SMYD3: variants seen among roughly 807,000 people sequenced by gnomAD.
The protein encoded by SMYD3 is histone-lysine N-methyltransferase SMYD3.
Under a neutral mutation model 57.7 loss-of-function variants are expected in SMYD3, and 36 were observed. That is an observed-to-expected ratio of 0.62 (90% CI 0.48 to 0.82). The LOEUF is 0.82. Ranked by LOEUF, SMYD3 falls within the 40% of genes least tolerant of loss-of-function variation. The probability of loss-of-function intolerance (pLI) is 0.00; values close to 1 mark genes in which losing one functional copy is unlikely to be tolerated. For synonymous variants in SMYD3, 211 were observed against 195.0 expected (o/e 1.08, Z -0.68); for missense variants, 515 against 538.8 (o/e 0.96, Z 0.44).
intron 10 of SMYD3, among the ~76,000 whole-genome samples, chr1:245,791,564 C>T (rs1408940473): frequency 7.1e-6 from 1 of 141,198 alleles, no homozygotes; most frequent in Non-Finnish European, 1.5e-5. Flanking sequence ...CTGTAAGTAA[C>T]AAGTTTATCT....
chr1:246,226,799 C>G (rs906837983), intron 5 of SMYD3, among the ~76,000 whole-genome samples: 14 of 152,122 alleles, frequency 9.2e-5, no homozygotes, highest in African/African-American at 3.4e-4. Flanking sequence ...TGCAAGTACT[C>G]CAAGAAGGCA....
chr1:245,798,729 T>C (rs1209448643), intron 10 of SMYD3, among the ~76,000 whole-genome samples: 2 of 152,112 alleles, frequency 1.3e-5, no homozygotes, highest in Non-Finnish European at 2.9e-5. Context: ...GCTCCCTTAT[T>C]AGATGACCAC....
intron 5 of SMYD3, among the ~76,000 whole-genome samples, chr1:245,982,949 G>A (rs1471433529): frequency 6.6e-6 from 1 of 152,210 alleles, no homozygotes; most frequent in Non-Finnish European, 1.5e-5. Flanking sequence ...ACTGCTGTCA[G>A]AAACCAAACA....
At chr1:245,993,531 T>C (rs2148120728) in intron 5 of SMYD3, among the ~76,000 whole-genome samples, 1 of 151,092 alleles carries the variant, frequency 6.6e-6, no homozygotes, top group East Asian at 2.0e-4. Flanking sequence ...GCCCACGAGT[T>C]CAAGACCAGG....
chr1:245,945,056 A>G (rs1413704685), intron 5 of SMYD3, among the ~76,000 whole-genome samples: 7 of 152,202 alleles, frequency 4.6e-5, no homozygotes, highest in African/African-American at 1.7e-4. Context: ...TCTCGGCAAT[A>G]CCATTCAGGA....
At chr1:246,502,104 T>C (rs1400222049) in intron 1 of SMYD3, among the ~76,000 whole-genome samples, 2 of 151,996 alleles carry the variant, frequency 1.3e-5, no homozygotes, top group Admixed American at 6.6e-5. Context: ...CCTGGTCACA[T>C]TTACTCACAC....
intron 1 of SMYD3, among the ~76,000 whole-genome samples, chr1:246,378,736 A>ATATAATATAATATAT (rs1252825772): frequency 1.1e-5 from 1 of 93,706 alleles, no homozygotes; most frequent in Non-Finnish European, 2.0e-5. Context: ...TATATATTAT[A>ATATAATATAATATAT]TATAATTATA....
intron 5 of SMYD3, among the ~76,000 whole-genome samples, chr1:246,133,467 T>C (rs1288692266): frequency 6.6e-6 from 1 of 152,144 alleles, no homozygotes; most frequent in Non-Finnish European, 1.5e-5. Flanking sequence ...TGAGTGTTGT[T>C]AAACTTATTA....
intron 10 of SMYD3, among the ~76,000 whole-genome samples, chr1:245,823,361 TCTC>T (rs2049290306): frequency 5.6e-5 from 1 of 17,768 alleles, no homozygotes; most frequent in Non-Finnish European, 1.1e-3. Flanking sequence ...GCTCTCGCTC[TCTC>T]TCTCTCTTTT....
At chr1:246,244,417 C>T (rs1172862029) in intron 5 of SMYD3, among the ~76,000 whole-genome samples, 1 of 152,074 alleles carries the variant, frequency 6.6e-6, no homozygotes, top group African/African-American at 2.4e-5. Context: ...AGATCATTTT[C>T]CCTATTCACT....
rs1287499954 is a variant in SMYD3, at chr1:245,909,445, G to GTA, written c.813+6083_813+6084dup. 2.0e-5 allele frequency among the ~76,000 whole-genome samples: 3 copies of GTA among 151,904 alleles called. No homozygotes were observed. In the South Asian group the frequency reaches 6.2e-4, roughly 31 times the overall value. ...ATTAGGAGGAGGAAATACTTCCAAA[G>GTA]TATATATATAAAACCAGCATTATGT... On this transcript the variant is annotated intron_variant, in intron 8 of 11. Transcript: ENST00000490107.
chr1:246,474,220 T>C (rs906321869), intron 1 of SMYD3, among the ~76,000 whole-genome samples: 2 of 152,126 alleles, frequency 1.3e-5, no homozygotes, highest in Non-Finnish European at 2.9e-5. Context: ...AAACAGTTCT[T>C]ATAGAAATTT....
rs537626260 is a variant in SMYD3 at position 246,427,526 on chromosome 1, A to AT, written c.165-72433_165-72432insA. Among the ~76,000 whole-genome samples, 502 of 147,476 alleles carry AT rather than the reference A, an allele frequency of 3.4e-3. 2 individuals carry two copies. The highest frequency in any genetic ancestry group is 0.01 in the South Asian group (48 of 4,776). ...CAGAGCGAGACTCCGTCTCAAAAAA[A>AT]AAAAAAATAAAAAAAAATAAATGTG... On this transcript the variant is annotated intron_variant, in intron 1 of 11. Transcript: ENST00000490107.
chr1:246,095,088 C>T (rs931143949), intron 5 of SMYD3, among the ~76,000 whole-genome samples: 2 of 152,190 alleles, frequency 1.3e-5, no homozygotes, highest in Admixed American at 1.3e-4. Context: ...CTCTTCTGGG[C>T]TTCCAAAGCC....
chr1:246,349,355 A>G (rs1037435517), intron 2 of SMYD3, among the ~76,000 whole-genome samples: 1 of 152,188 alleles, frequency 6.6e-6, no homozygotes, highest in Non-Finnish European at 1.5e-5. Flanking sequence ...CTGTAATCCC[A>G]GCACTTTGGG....
At chr1:246,439,489 C>T (rs149022234) in intron 1 of SMYD3, among the ~76,000 whole-genome samples, 2,393 of 152,204 alleles carry the variant, frequency 0.016, 56 homozygotes, top group Admixed American at 0.032. Context: ...CTGAGACAAA[C>T]GCTCATAGGC....
chr1:246,030,578 A>T (rs567201609), intron 5 of SMYD3, among the ~76,000 whole-genome samples: 1 of 152,310 alleles, frequency 6.6e-6, no homozygotes, highest in South Asian at 2.1e-4. Context: ...CACAACACAA[A>T]TAAATATTTG....
intron 1 of SMYD3, among the ~76,000 whole-genome samples, chr1:246,448,156 G>A (rs1354289822): frequency 1.3e-5 from 2 of 152,188 alleles, no homozygotes; most frequent in African/African-American, 4.8e-5. Flanking sequence ...GGCAGAGGCG[G>A]CATTGAGCCA....
rs919471466 is a variant in SMYD3, at chr1:245,825,879, G to A, written c.1076+32617C>T. ...CCAAGGTCACTGCCTGAGTAATGAC[G>A]TATCTGGGTCTAGAATTGAAGTCAC... On this transcript the variant is annotated intron_variant, in intron 10 of 11. Transcript: ENST00000490107. 5.3e-5 allele frequency among the ~76,000 whole-genome samples: 8 copies of A among 150,004 alleles called. No individual in the cohort carries two copies. The South Asian group carries it at 6.4e-4, about 12-fold the overall frequency.
Sources: allele counts gnomAD v4.1 joint callset (sites outside exome capture counted in the v4.1 genomes callset), GRCh38; gene constraint gnomAD v4.1.1; transcripts MANE v1.5; gene names NCBI Gene and HGNC (gene_info 2026-07-23, HGNC 2026-07-21).